Variants in FAM124A observed in about 807,000 individuals in gnomAD.
The protein encoded by FAM124A is family with sequence similarity 124 member A, also known as protein FAM124A.
In FAM124A, 23 loss-of-function variants were observed where a neutral mutation model predicts 24.5. The observed-to-expected ratio is 0.94, with a 90% confidence interval of 0.68 to 1.33. The LOEUF (loss-of-function observed/expected upper bound fraction) is 1.33. Among genes scored for constraint, FAM124A ranks in the 40% most tolerant of loss-of-function variants. The pLI is 0.00. For synonymous variants in FAM124A, 287 were observed against 314.7 expected (o/e 0.91, Z 0.93); for missense variants, 623 against 722.8 (o/e 0.86, Z 1.58).
At chr13:51,261,779 G>A (rs938463848) in intron 3 of FAM124A, among the ~76,000 whole-genome samples, 1 of 152,240 alleles carries the variant, frequency 6.6e-6, no homozygotes, top group Non-Finnish European at 1.5e-5. Context: ...TGCCCAGCAG[G>A]CAGGGCCCAT....
chr13:51,252,149 G>A lies in FAM124A; in HGVS notation c.782G>A (p.Ser261Asn). 6.2e-7 allele frequency: 1 copy of A among 1,613,852 alleles called. No homozygotes were observed. The highest frequency in any genetic ancestry group is 8.5e-7 in the Non-Finnish European group (1 of 1,180,028). The change falls in exon 3 of 4, where the codon AGC (serine) becomes AAC (asparagine). Residue 261 changes from serine to asparagine, a missense_variant. Coordinates refer to ENST00000322475, the MANE Select transcript of FAM124A (RefSeq NM_001242312.2). ...CTGCCCAACCCTTGCAGCCCCATCA[G>A]CGAGGGGCGCTGGCAGACGGAGGAC... ...PLLPNPCSPI[S>N]EGRWQTEDHD...
chr13:51,270,757 TG>T (rs1286832378), intron 3 of FAM124A, among the ~76,000 whole-genome samples: 1 of 152,248 alleles, frequency 6.6e-6, no homozygotes, highest in Non-Finnish European at 1.5e-5. Flanking sequence ...TGAGGAAGGC[TG>T]GATGGACCGT....
intron 2 of FAM124A, among the ~76,000 whole-genome samples, chr13:51,249,798 C>G (rs1332771768): frequency 6.6e-6 from 1 of 152,214 alleles, no homozygotes; most frequent in African/African-American, 2.4e-5. Flanking sequence ...TGTGTTTCCC[C>G]ACTCAGTCAC....
At chr13:51,261,293 C>T (rs1009066684) in intron 3 of FAM124A, among the ~76,000 whole-genome samples, 12 of 152,144 alleles carry the variant, frequency 7.9e-5, no homozygotes, top group Non-Finnish European at 1.5e-5. Context: ...GGTCCCTGGA[C>T]CTGGGGAAGT....
chr13:51,235,001 C>G (rs1335958994), intron 2 of FAM124A, among the ~76,000 whole-genome samples: 1 of 152,186 alleles, frequency 6.6e-6, no homozygotes, highest in Non-Finnish European at 1.5e-5. Context: ...TGGAACTGCA[C>G]TTCGCTGACT....
intron 2 of FAM124A, among the ~76,000 whole-genome samples, chr13:51,250,075 G>A (rs1954602595): frequency 6.6e-6 from 1 of 152,220 alleles, no homozygotes; most frequent in African/African-American, 2.4e-5. Context: ...ACACTTAATA[G>A]GGTTGGGAAG....
At chr13:51,279,994 A>G (rs537873777) in intron 3 of FAM124A, among the ~76,000 whole-genome samples, 2 of 152,294 alleles carry the variant, frequency 1.3e-5, no homozygotes, top group South Asian at 4.1e-4. Context: ...GCCCATCCTG[A>G]TCACTTCTGT....
intron 3 of FAM124A, among the ~76,000 whole-genome samples, chr13:51,260,297 G>A (rs2137690752): frequency 6.6e-6 from 1 of 152,270 alleles, no homozygotes; most frequent in Non-Finnish European, 1.5e-5. Flanking sequence ...GTGACTGTGA[G>A]AGAGCCCCGC....
At chr13:51,230,018 C>A (rs1438015940) in intron 1 of FAM124A, among the ~76,000 whole-genome samples, 2 of 152,158 alleles carry the variant, frequency 1.3e-5, no homozygotes, top group African/African-American at 4.8e-5. Context: ...CATTGCTCAC[C>A]TCCTGGCCTC....
intron 3 of FAM124A, among the ~76,000 whole-genome samples, chr13:51,263,106 C>T (rs865914072): frequency 3.3e-5 from 5 of 152,150 alleles, no homozygotes; most frequent in South Asian, 4.1e-4. Context: ...CTGTGGTGTT[C>T]GGACCAAGGG....
intron 2 of FAM124A, among the ~76,000 whole-genome samples, chr13:51,246,411 G>GT (rs1442952636): frequency 7.2e-6 from 1 of 139,256 alleles, no homozygotes. Context: ...GGGTGGGGGG[G>GT]GGTGTAACTC....
At chr13:51,271,453 C>A (rs1176930223) in intron 3 of FAM124A, among the ~76,000 whole-genome samples, 2 of 152,216 alleles carry the variant, frequency 1.3e-5, no homozygotes, top group South Asian at 4.2e-4. Flanking sequence ...ATGAGGGCCC[C>A]TGAACAAGAG....
chr13:51,260,423 T>C (rs1170972876), intron 3 of FAM124A, among the ~76,000 whole-genome samples: 2 of 152,224 alleles, frequency 1.3e-5, no homozygotes, highest in African/African-American at 4.8e-5. Flanking sequence ...GGTGACAGAC[T>C]ATCCCCAGTT....
intron 3 of FAM124A, chr13:51,252,514 T>G (rs1954636584): frequency 2.5e-6 from 1 of 404,904 alleles, no homozygotes; most frequent in East Asian, 3.7e-5. Flanking sequence ...TCAAATGAGC[T>G]TATAAGCTAG....
chr13:51,240,326 A>G (rs976102897), intron 2 of FAM124A, among the ~76,000 whole-genome samples: 2 of 151,778 alleles, frequency 1.3e-5, no homozygotes, highest in Admixed American at 1.3e-4. Context: ...ACATGCTCTC[A>G]CTCCCCTTTT....
At position 51,250,027 on chromosome 13, in the gene FAM124A, AAG is replaced by A. The variant is rs944144863; in HGVS notation, c.101-1435_101-1434del. 7.9e-5 allele frequency among the ~76,000 whole-genome samples: 12 copies of A among 152,370 alleles called. No individual in the cohort carries two copies. In the East Asian group the frequency reaches 9.6e-4, roughly 12 times the overall value. ...CAGATGTGCAAATGAATGCATGAATAAGAGAGAAGACAGCAAGCTGGACTGTT... is the reference window on the plus strand; with the variant it reads ...CAGATGTGCAAATGAATGCATGAATAAGAGAAGACAGCAAGCTGGACTGTT... On this transcript the variant is annotated intron_variant, in intron 2 of 3. Transcript: ENST00000322475.
rs552929837 is a variant in FAM124A at position 51,272,722 on chromosome 13, C to T, written c.835-7728C>T. ...CACAGTCAAGGTAGGAGTGCTAGAC[C>T]GCAGGACGCCAAGCACAGTCAAGGT... On this transcript the variant is annotated intron_variant, in intron 3 of 3. Transcript: ENST00000322475. This position sits in a 1 kb window ranked among gnomAD's most constrained non-coding sequence, Gnocchi z 4.2. Among the ~76,000 whole-genome samples the T allele has an allele frequency of 5.3e-5, 8 of 152,166 alleles. No homozygotes were observed. Among genetic ancestry groups the T allele is most frequent in the East Asian group, 3.9e-4 (2 of 5,156 alleles).
chr13:51,278,960 G>A (rs537910524), intron 3 of FAM124A, among the ~76,000 whole-genome samples: 1 of 152,094 alleles, frequency 6.6e-6, no homozygotes, highest in African/African-American at 2.4e-5. Flanking sequence ...AACCACAAAG[G>A]CTTCCTTTTT....
chr13:51,266,102 G>A (rs557877445), intron 3 of FAM124A, among the ~76,000 whole-genome samples: 48 of 152,324 alleles, frequency 3.2e-4, no homozygotes, highest in South Asian at 6.2e-4. Flanking sequence ...ACTTTCGGAT[G>A]TTTGAAAGTT....
Sources: gnomAD v4.1 joint callset for allele counts (sites outside exome capture counted in the v4.1 genomes callset) on GRCh38, gnomAD v4.1.1 for gene constraint, Gnocchi (gnomAD v3.1) non-coding constraint, MANE v1.5 for transcripts, NCBI Gene and HGNC (gene_info 2026-07-23, HGNC 2026-07-21) for gene names.